The following APBB2 variants were observed in gnomAD, a reference collection of about 807,000 sequenced individuals.
APBB2 encodes the protein Fe65-like 1.
APBB2 carries 38 observed loss-of-function variants against 82.5 expected under a neutral mutation model. The observed-to-expected ratio is 0.46, with a 90% confidence interval of 0.36 to 0.60. The LOEUF (loss-of-function observed/expected upper bound fraction) is 0.60, where lower values mean the gene tolerates loss of function less well. Ranked by LOEUF, APBB2 falls within the 20% of genes least tolerant of loss-of-function variation. The probability of loss-of-function intolerance (pLI) is 0.00; values close to 1 mark genes in which losing one functional copy is unlikely to be tolerated. For missense variants in APBB2, 772 were observed against 972.3 expected, an observed-to-expected ratio of 0.79 and a Z score of 2.74; for synonymous variants, 341 against 368.2, an observed-to-expected ratio of 0.93 and a Z score of 0.85.
chr4:41,057,601 G>A (rs907869715), intron 4 of APBB2, among the ~76,000 whole-genome samples: 3 of 152,144 alleles, frequency 2.0e-5, no homozygotes, highest in Admixed American at 1.3e-4. Context: ...CAAGTCATTC[G>A]TTTAGAATTC....
At chr4:41,001,094 A>G (rs1439236620) in intron 6 of APBB2, among the ~76,000 whole-genome samples, 1 of 152,194 alleles carries the variant, frequency 6.6e-6, no homozygotes, top group Non-Finnish European at 1.5e-5. Flanking sequence ...GTATCCCTAG[A>G]GGCCTCCATC....
intron 2 of APBB2, among the ~76,000 whole-genome samples, chr4:41,123,119 T>C (rs201392948): frequency 1.1e-4 from 16 of 151,970 alleles, no homozygotes; most frequent in Middle Eastern, 3.4e-3. Flanking sequence ...TCTCTCTCTC[T>C]CCCCCTTTGT....
chr4:41,027,156 G>A (rs1004318632), intron 5 of APBB2, among the ~76,000 whole-genome samples: 17 of 151,920 alleles, frequency 1.1e-4, no homozygotes, highest in Admixed American at 7.2e-4. Context: ...TGCAGCACCC[G>A]ATTAAAGCCT....
intron 3 of APBB2, among the ~76,000 whole-genome samples, chr4:41,093,760 G>A (rs1169360821): frequency 1.3e-5 from 2 of 152,018 alleles, no homozygotes; most frequent in African/African-American, 2.4e-5. Context: ...AGCCTGAGGC[G>A]GAAGAATCGC....
chr4:41,133,634 AG>A (rs140649178), intron 2 of APBB2, among the ~76,000 whole-genome samples: 6,442 of 152,296 alleles, frequency 0.042, 199 homozygotes, highest in Non-Finnish European at 0.06. Flanking sequence ...AAAGGAAGAA[AG>A]GGATTAACAT....
intron 1 of APBB2, among the ~76,000 whole-genome samples, chr4:41,186,423 T>C (rs1052641479): frequency 4.6e-5 from 7 of 152,234 alleles, no homozygotes; most frequent in Non-Finnish European, 1.0e-4. Context: ...CAGGGCTGTG[T>C]ATGTATGCTC....
chr4:40,894,456 G>T (rs1314004545), intron 10 of APBB2, among the ~76,000 whole-genome samples: 1 of 152,196 alleles, frequency 6.6e-6, no homozygotes, highest in Non-Finnish European at 1.5e-5. Flanking sequence ...GAGACAGAAT[G>T]AATTAACTGC....
intron 5 of APBB2, among the ~76,000 whole-genome samples, chr4:41,014,703 G>T (rs749902216): frequency 1.3e-5 from 2 of 152,142 alleles, no homozygotes; most frequent in Non-Finnish European, 2.9e-5. Context: ...ATTTTCTTCT[G>T]GTGGCTGGTC....
chr4:40,904,125 T>C (rs896424898), intron 10 of APBB2, among the ~76,000 whole-genome samples: 2 of 151,934 alleles, frequency 1.3e-5, no homozygotes, highest in African/African-American at 4.8e-5. Flanking sequence ...ACCACCCAGG[T>C]TTCACTGAGA....
At chr4:40,888,067 A>G (rs1770850472) in intron 12 of APBB2, among the ~76,000 whole-genome samples, 2 of 152,310 alleles carry the variant, frequency 1.3e-5, no homozygotes, top group South Asian at 2.1e-4. Flanking sequence ...TCCGACCTCC[A>G]CTGTCTTTAA....
chr4:41,184,786 C>T (rs1560980073), intron 1 of APBB2, among the ~76,000 whole-genome samples: 1 of 152,214 alleles, frequency 6.6e-6, no homozygotes, highest in Non-Finnish European at 1.5e-5. Context: ...ACATCCTTCC[C>T]AGGGTAGTCC....
chr4:40,869,761 A>T (rs778203313), intron 12 of APBB2, among the ~76,000 whole-genome samples: 7 of 152,134 alleles, frequency 4.6e-5, no homozygotes, highest in Non-Finnish European at 7.4e-5. Context: ...TCTTTGTATT[A>T]ATTTCTTTGC....
In APBB2 at chr4:40,934,634, G is replaced by T; in HGVS notation, c.1173C>A (p.Arg391=). The T allele has an allele frequency of 6.2e-7, 1 of 1,613,980 alleles. No individual in the cohort carries two copies. Among genetic ancestry groups the T allele is most frequent in the Non-Finnish European group, 8.5e-7 (1 of 1,179,810 alleles). The change falls in exon 9 of 18, where the codon CGC becomes CGA. Residue 391 remains arginine, a synonymous_variant. Coordinates refer to ENST00000508593, the MANE Select transcript of APBB2 (RefSeq NM_004307.2). ...SLKEFEGATL[R]YASLKLRNAP... is the part of the protein sequence containing the mutation. ...CCTACCTGAGTTTCAAAGATGCATAGCGTAGGGTTGCTCCTTCAAACTCTT... is the reference window on the plus strand; with the variant it reads ...CCTACCTGAGTTTCAAAGATGCATATCGTAGGGTTGCTCCTTCAAACTCTT...
intron 1 of APBB2, among the ~76,000 whole-genome samples, chr4:41,211,257 A>AAATAAT (rs553797211): frequency 7.5e-4 from 113 of 151,146 alleles, no homozygotes; most frequent in African/African-American, 2.6e-3. Context: ...TCTGTCTCAA[A>AAATAAT]AATAATAATA....
At chr4:40,952,828 G>A (rs1339280066) in intron 6 of APBB2, among the ~76,000 whole-genome samples, 3 of 152,174 alleles carry the variant, frequency 2.0e-5, no homozygotes, top group Non-Finnish European at 4.4e-5. Context: ...CAACTGCAAG[G>A]ACACTGACGC....
At chr4:41,161,169 G>T (rs1765041364) in intron 1 of APBB2, among the ~76,000 whole-genome samples, 1 of 58,182 alleles carries the variant, frequency 1.7e-5, no homozygotes, top group Non-Finnish European at 3.0e-5. Flanking sequence ...CTCTTCCCTG[G>T]CAAAAAAAAA....
intron 6 of APBB2, among the ~76,000 whole-genome samples, chr4:41,006,330 G>A (rs193087365): frequency 1.8e-4 from 28 of 152,278 alleles, no homozygotes; most frequent in African/African-American, 6.3e-4. Context: ...TCTTCCTGTC[G>A]CATTATGGAA....
At chr4:40,857,064 CGCCCCAGGTGCTACGACAA>C in intron 12 of APBB2, 1 of 985,582 alleles carries the variant, frequency 1.0e-6, no homozygotes, top group Non-Finnish European at 1.2e-6. Flanking sequence ...GCGGGGATGC[CGCCCCAGGTGCTACGACAA>C]GCCCCAGGGT....
Position 40,934,657 on chromosome 4 carries a change from C to G in APBB2, c.1150G>C (p.Glu384Gln), listed in dbSNP as rs941142939. ...TAGCGTAGGGTTGCTCCTTCAAACTCTTTTAAACTGGGGTCCGGGTTAACA... is the reference window on the plus strand; with the variant it reads ...TAGCGTAGGGTTGCTCCTTCAAACTGTTTTAAACTGGGGTCCGGGTTAACA... Reference protein sequence around the residue: ...ATVNPDPSLKEFEGATLRYAS... With the variant: ...ATVNPDPSLKQFEGATLRYAS... The change falls in exon 9 of 18, where the codon GAG becomes CAG. Residue 384 changes from glutamate (E) to glutamine (Q), a missense_variant. Glu to Gln is a conservative substitution (Grantham distance 29). Transcript: ENST00000508593. 2 of 1,614,034 alleles carry G rather than the reference C, an allele frequency of 1.2e-6. No individual in the cohort carries two copies.
Sources: gnomAD v4.1 joint callset for allele counts (sites outside exome capture counted in the v4.1 genomes callset) on GRCh38, gnomAD v4.1.1 for gene constraint, MANE v1.5 for transcripts, NCBI Gene and HGNC (gene_info 2026-07-23, HGNC 2026-07-21) for gene names.